The following LTBP1 variants were observed in gnomAD, a reference collection of about 807,000 sequenced individuals.
LTBP1 encodes the protein latent-transforming growth factor beta-binding protein 1.
In LTBP1, 129 loss-of-function variants were observed where a neutral mutation model predicts 207.6. The ratio of observed to expected loss-of-function variants is 0.62; its 90% CI spans 0.54 to 0.72. The LOEUF (loss-of-function observed/expected upper bound fraction) is 0.72, where lower values mean the gene tolerates loss of function less well. Among genes scored for constraint, LTBP1 ranks in the 30% least tolerant of loss-of-function variants. The pLI is 0.00. For missense variants in LTBP1, 2,281 were observed against 2,217.2 expected, an observed-to-expected ratio of 1.03 and a Z score of -0.58; for synonymous variants, 963 against 833.7, an observed-to-expected ratio of 1.16 and a Z score of -2.67.
intron 4 of LTBP1, among the ~76,000 whole-genome samples, chr2:33,120,951 A>G (rs1163078974): frequency 6.6e-6 from 1 of 152,210 alleles, no homozygotes; most frequent in Non-Finnish European, 1.5e-5. Flanking sequence ...CAGTTTCTTA[A>G]TATTTAGCAT....
chr2:33,025,765 G>T (rs1019257919), intron 3 of LTBP1, among the ~76,000 whole-genome samples: 2 of 152,194 alleles, frequency 1.3e-5, no homozygotes, highest in Admixed American at 6.5e-5. Flanking sequence ...GTGGGTTGAG[G>T]TATAGAGGTA....
chr2:32,966,099 A>T (rs1264527794), intron 2 of LTBP1, among the ~76,000 whole-genome samples: 1 of 152,202 alleles, frequency 6.6e-6, no homozygotes, highest in Non-Finnish European at 1.5e-5. Flanking sequence ...GATGTTGAAC[A>T]TCTTTTTATA....
chr2:33,132,344 A>G (rs1288089448), intron 4 of LTBP1, among the ~76,000 whole-genome samples: 1 of 152,166 alleles, frequency 6.6e-6, no homozygotes, highest in African/African-American at 2.4e-5. Context: ...TTTCTAAGGT[A>G]GACTCCCAGA....
At chr2:33,057,088 A>G (rs1040171294) in intron 3 of LTBP1, among the ~76,000 whole-genome samples, 4 of 152,032 alleles carry the variant, frequency 2.6e-5, no homozygotes, top group African/African-American at 7.2e-5. Context: ...CAGAGTGCTG[A>G]TTGGTGCATT....
chr2:33,055,054 T>A (rs2076923645), intron 3 of LTBP1, among the ~76,000 whole-genome samples: 1 of 152,268 alleles, frequency 6.6e-6, no homozygotes, highest in Non-Finnish European at 1.5e-5. Context: ...CCACCAAGGT[T>A]TGTTTGTCTG....
chr2:33,309,552 T>A lies in LTBP1; in HGVS notation c.3600T>A (p.Cys1200Ter). 6.2e-7 allele frequency: 1 copy of A among 1,604,294 alleles called. No individual in the cohort carries two copies. The highest frequency in any genetic ancestry group is 8.5e-7 in the Non-Finnish European group (1 of 1,177,092). ...DGFQLDDNKT[C>*]QDINECEHPG... ...TTCAGCTAGATGACAATAAAACATG[T>A]CAAGGTATTTCTTGCTCTTTTTTCC... Residue 1200 changes from cysteine (C) to a stop codon, truncating the protein, a stop_gained, in exon 23 of 34, where the codon TGT becomes TGA. Coordinates refer to ENST00000404816, the MANE Select transcript of LTBP1 (RefSeq NM_206943.4). LOFTEE classifies it high-confidence loss of function.
In LTBP1 at chr2:33,110,720, TGTGCAGGATCAA is replaced by T; in HGVS notation, c.1005_1016del (p.Gln336_Val339del). 6.2e-7 allele frequency: 1 copy of T among 1,614,158 alleles called. No homozygotes were observed. The highest frequency in any genetic ancestry group is 2.2e-5 in the East Asian group (1 of 44,878). On this transcript the variant is annotated inframe_deletion, in exon 4 of 34. Coordinates refer to ENST00000404816, the MANE Select transcript of LTBP1 (RefSeq NM_206943.4). ...CTGAAGGTTCTTTCCCTTTAAGATA[TGTGCAGGATCAA>T]GTTGCGGCACCTTTTCAGCGTGAGT...
intron 9 of LTBP1, among the ~76,000 whole-genome samples, chr2:33,240,645 CTTTTTT>C (rs869193074): frequency 5.0e-5 from 5 of 100,816 alleles, no homozygotes; most frequent in African/African-American, 2.0e-4. Context: ...TGGAAACATT[CTTTTTT>C]TTTTTTTTTT....
chr2:33,378,726 C>G (rs1041919923), intron 31 of LTBP1, among the ~76,000 whole-genome samples: 1 of 152,206 alleles, frequency 6.6e-6, no homozygotes, highest in Admixed American at 6.5e-5. Flanking sequence ...TTGACCTCTT[C>G]TTAACGAACC....
intron 2 of LTBP1, among the ~76,000 whole-genome samples, chr2:32,975,062 G>C (rs1468376404): frequency 6.6e-6 from 1 of 152,198 alleles, no homozygotes; most frequent in Non-Finnish European, 1.5e-5. Context: ...CTCTTGTAAG[G>C]CTGGTCTGGT....
intron 31 of LTBP1, among the ~76,000 whole-genome samples, chr2:33,377,827 C>T (rs1003950474): frequency 6.6e-6 from 1 of 152,182 alleles, no homozygotes; most frequent in Non-Finnish European, 1.5e-5. Flanking sequence ...CCAGACACTT[C>T]TTACCTGGCG....
intron 19 of LTBP1, 150 bp downstream of exon 19, chr2:33,280,308 A>C: frequency 1.4e-6 from 1 of 739,834 alleles, no homozygotes; most frequent in Non-Finnish European, 2.0e-6. Flanking sequence ...ACTTTTAACC[A>C]TTGAGAAAAT....
chr2:33,249,323 T>TCACACACACA (rs61249844), intron 10 of LTBP1, among the ~76,000 whole-genome samples: 1,887 of 141,376 alleles, frequency 0.013, 20 homozygotes, highest in Non-Finnish European at 0.019. Context: ...GTCTGATTTT[T>TCACACACACA]CACACACACA....
intron 3 of LTBP1, among the ~76,000 whole-genome samples, chr2:33,088,597 A>G (rs2078893003): frequency 6.6e-6 from 1 of 152,190 alleles, no homozygotes; most frequent in Non-Finnish European, 1.5e-5. Context: ...TGTAAGCTTC[A>G]TGAGGGTAAG....
In LTBP1 at chr2:33,134,999, C is replaced by A; in HGVS notation, c.1201+39C>A. On this transcript the variant is annotated intron_variant, in intron 5 of 33. Transcript: ENST00000404816. The surrounding 1 kb of genome is among the most constrained non-coding windows in gnomAD (Gnocchi z 4.4). ...CGGTCCCTAACTGTCCTTACTGAGT[C>A]GAGTTTTATGAGATTGTAGCATTTA... 3 of 1,539,912 alleles carry A rather than the reference C, an allele frequency of 1.9e-6. No individual in the cohort carries two copies. Among genetic ancestry groups the A allele is most frequent in the South Asian group, 2.5e-5 (2 of 79,308 alleles).
At chr2:32,966,177 GTTGT>G (rs945705726) in intron 2 of LTBP1, among the ~76,000 whole-genome samples, 11 of 152,166 alleles carry the variant, frequency 7.2e-5, no homozygotes, top group Admixed American at 5.9e-4. Flanking sequence ...TTTTAATCAA[GTTGT>G]TTGTTTCCTT....
chr2:33,339,529 T>C (rs1471467520), intron 24 of LTBP1, among the ~76,000 whole-genome samples: 2 of 152,220 alleles, frequency 1.3e-5, no homozygotes, highest in Non-Finnish European at 2.9e-5. Flanking sequence ...CAGTAAATAG[T>C]GATCTCAGCC....
intron 6 of LTBP1, 52 bp downstream of exon 6, chr2:33,187,132 C>G: frequency 6.6e-7 from 1 of 1,517,688 alleles, no homozygotes; most frequent in Non-Finnish European, 9.1e-7. Flanking sequence ...ACCTGCCAAA[C>G]CCACATAGAA....
chr2:33,144,944 A>G (rs1467999701), intron 5 of LTBP1, among the ~76,000 whole-genome samples: 2 of 152,250 alleles, frequency 1.3e-5, no homozygotes, highest in African/African-American at 4.8e-5. Context: ...CCACATAGTC[A>G]TCTTCATGCT....
Sources: gnomAD v4.1 joint callset for allele counts (sites outside exome capture counted in the v4.1 genomes callset) on GRCh38, gnomAD v4.1.1 for gene constraint, Gnocchi (gnomAD v3.1) non-coding constraint, MANE v1.5 for transcripts, NCBI Gene and HGNC (gene_info 2026-07-23, HGNC 2026-07-21) for gene names.